LVRN: variants seen among roughly 807,000 people sequenced by gnomAD.
LVRN encodes laeverin.
Under a neutral mutation model 111.4 loss-of-function variants are expected in LVRN, and 99 were observed. The ratio of observed to expected loss-of-function variants is 0.89; its 90% confidence interval spans 0.76 to 1.05. The LOEUF (loss-of-function observed/expected upper bound fraction) is 1.05. LVRN is among the 50% of genes least tolerant of loss of function. The pLI, the probability that LVRN is intolerant of heterozygous loss-of-function variation, is 0.00. For synonymous variants in LVRN, 488 were observed against 449.5 expected, an observed-to-expected ratio of 1.09 and a Z score of -1.08; for missense variants, 1,414 against 1,206.8, an observed-to-expected ratio of 1.17 and a Z score of -2.54.
At chr5:115,982,487 G>A (rs1304475104) in intron 1 of LVRN, among the ~76,000 whole-genome samples, 1 of 152,112 alleles carries the variant, frequency 6.6e-6, no homozygotes, top group Non-Finnish European at 1.5e-5. Flanking sequence ...GCAAGTCTTG[G>A]CAAATGGGAT....
intron 18 of LVRN, among the ~76,000 whole-genome samples, chr5:116,017,503 A>G (rs369654776): frequency 5.9e-5 from 9 of 152,208 alleles, no homozygotes; most frequent in African/African-American, 1.9e-4. Context: ...TCTAAGAACT[A>G]TGGAAAGTGT....
rs192075396 is a variant in LVRN at position 115,987,920 on chromosome 5, T to C, written c.1086T>C (p.Ser362=). ...TTCTGGAGGATTTGTTTAATATCAG[T>C]TACTCTCTTCCAAAAACAGGTGAGG... ...FSFLEDLFNI[S]YSLPKTDIIA... is the part of the protein sequence containing the mutation. Residue 362 remains serine, a synonymous_variant, in exon 4 of 20, where the codon AGT becomes AGC. Transcript: ENST00000357872. 1 of 1,611,622 alleles carries C rather than the reference T, an allele frequency of 6.2e-7. No individual in the cohort carries two copies. The highest frequency in any genetic ancestry group is 1.3e-5 in the African/African-American group (1 of 74,798).
In LVRN at chr5:116,026,522, T is replaced by G; in HGVS notation, c.*404T>G. 2 of 242,042 alleles carry G rather than the reference T, an allele frequency of 8.3e-6. No individual in the cohort carries two copies. Among genetic ancestry groups the G allele is most frequent in the Middle Eastern group, 1.5e-3 (1 of 668 alleles). 15.0% of individuals were successfully genotyped at this position (242,042 alleles called of 1,614,324 possible). ...AGTTTTTCCAGGCCCTAGGGTTTAT[T>G]TAGTTCAACATTGAAGATTGAAAAG... On this transcript the variant is annotated 3_prime_UTR_variant, in exon 20 of 20. Transcript: ENST00000357872.
chr5:115,983,434 G>A lies in LVRN; in HGVS notation c.838+5G>A, dbSNP rs776351026. The A allele has an allele frequency of 5.0e-6, 8 of 1,592,022 alleles. No homozygotes were observed. In the Admixed American group the frequency reaches 5.5e-5, roughly 11 times the overall value. On this transcript the variant is annotated splice_donor_5th_base_variant and intron_variant, in intron 2 of 19. Coordinates refer to ENST00000357872, the MANE Select transcript of LVRN (RefSeq NM_173800.5). ...TTTCCAACATGCCAAAGCTAGGTAA[G>A]TAATGCTTTCTGTCTATATCTAGCT...
intron 19 of LVRN, among the ~76,000 whole-genome samples, chr5:116,022,770 C>T (rs191487028): frequency 3.3e-5 from 5 of 152,240 alleles, no homozygotes; most frequent in Admixed American, 3.3e-4. Flanking sequence ...CAGTCATTGC[C>T]CTGTTCCAGA....
At chr5:115,966,149 C>G (rs576959813) in intron 1 of LVRN, among the ~76,000 whole-genome samples, 1 of 152,244 alleles carries the variant, frequency 6.6e-6, no homozygotes, top group African/African-American at 2.4e-5. Context: ...TGCGCAAAAA[C>G]TACCACAATA....
Position 116,026,428 on chromosome 5 carries a change from G to T in LVRN, c.*310G>T. 3 of 359,366 alleles carry T rather than the reference G, an allele frequency of 8.3e-6. No homozygotes were observed. The highest frequency in any genetic ancestry group is 7.7e-5 in the South Asian group (3 of 38,962). The allele number at this position is 359,366 out of a possible 1,614,324, so 22.3% of individuals were successfully genotyped here. The stretch of plus-strand genomic sequence containing the variant: ...CTAAGATAGTCTTGCTTATTTTGTT[G>T]CGAAGGCCAGTGGAATATAAAAATC... On this transcript the variant is annotated 3_prime_UTR_variant, in exon 20 of 20. Transcript: ENST00000357872.
At chr5:115,999,685 A>C (rs1561563241) in intron 6 of LVRN, 77 bp from the exon 7 acceptor site, 2 of 1,490,112 alleles carry the variant, frequency 1.3e-6, no homozygotes, top group African/African-American at 2.8e-5. Flanking sequence ...CAGTTTTTGA[A>C]AGTATTTTAG....
intron 1 of LVRN, among the ~76,000 whole-genome samples, chr5:115,980,381 G>A (rs988526784): frequency 6.6e-6 from 1 of 151,884 alleles, no homozygotes; most frequent in Non-Finnish European, 1.5e-5. Context: ...TGTGTCGTAG[G>A]GATTTTCCCC....
rs1580371184 is a variant in LVRN at position 115,962,921 on chromosome 5, C to A, written c.304C>A (p.Leu102Ile). 1 of 1,612,974 alleles carries A rather than the reference C, an allele frequency of 6.2e-7. No homozygotes were observed. The highest frequency in any genetic ancestry group is 1.7e-4 in the Middle Eastern group (1 of 6,060). The change falls in exon 1 of 20, where the codon CTC (leucine) becomes ATC (isoleucine). Residue 102 changes from leucine (L) to isoleucine (I), a missense_variant. Leu to Ile is a conservative substitution (Grantham distance 5). Coordinates refer to ENST00000357872, the MANE Select transcript of LVRN (RefSeq NM_173800.5). ...PWDQLRLPPW[L>I]VPLHYDLELW... ...GGACCAGCTACGCCTGCCGCCCTGGCTCGTGCCGCTGCACTACGATCTGGA... is the reference window on the plus strand; with the variant it reads ...GGACCAGCTACGCCTGCCGCCCTGGATCGTGCCGCTGCACTACGATCTGGA...
At position 116,026,130 on chromosome 5, in the gene LVRN, C is replaced by T. The variant is rs770370826; in HGVS notation, c.*12C>T. The T allele has an allele frequency of 8.7e-6, 14 of 1,613,470 alleles. 1 individual carries two copies. In the South Asian group the frequency reaches 1.5e-4, roughly 18 times the overall value. ...GGAGAAACACATAGCTTGTGGCTATCTTTCAGCACTCCTCTTGCATATTAT... is the reference window on the plus strand; with the variant it reads ...GGAGAAACACATAGCTTGTGGCTATTTTTCAGCACTCCTCTTGCATATTAT... On this transcript the variant is annotated 3_prime_UTR_variant, in exon 20 of 20. Transcript: ENST00000357872.
chr5:116,015,476 G>A (rs1327020909), intron 17 of LVRN, 57 bp downstream of exon 17: 14 of 1,468,878 alleles, frequency 9.5e-6, no homozygotes, highest in South Asian at 1.5e-5. Flanking sequence ...ATTAATAAAG[G>A]AAAAAAAATA....
At chr5:115,966,089 T>A (rs572084431) in intron 1 of LVRN, among the ~76,000 whole-genome samples, 2 of 152,356 alleles carry the variant, frequency 1.3e-5, no homozygotes, top group East Asian at 3.9e-4. Flanking sequence ...AATTTGACAT[T>A]GGTACTATGC....
intron 19 of LVRN, 105 bp downstream of exon 19, chr5:116,022,571 C>T (rs1361066897): frequency 1.3e-6 from 1 of 777,258 alleles, no homozygotes; most frequent in Non-Finnish European, 2.2e-6. Flanking sequence ...TGAATTATTA[C>T]ATTCTATGCT....
chr5:116,019,220 A>C (rs771160133), intron 18 of LVRN, among the ~76,000 whole-genome samples: 4 of 152,192 alleles, frequency 2.6e-5, no homozygotes, highest in Non-Finnish European at 5.9e-5. Flanking sequence ...ACATATCTAA[A>C]CATAGAAAAG....
chr5:115,992,180 T>C lies in LVRN; in HGVS notation c.1163T>C (p.Ile388Thr). 1.9e-6 allele frequency: 3 copies of C among 1,613,988 alleles called. No individual in the cohort carries two copies. The highest frequency in any genetic ancestry group is 2.5e-6 in the Non-Finnish European group (3 of 1,179,890). The change falls in exon 5 of 20, where the codon ATA (isoleucine) becomes ACA (threonine). Residue 388 changes from isoleucine (I) to threonine (T), a missense_variant. Transcript: ENST00000357872. ...GCAATGGAAAACTGGGGACTAATGA[T>C]ATTTGATGAATCAGGATTGTTGTTG... ...NHAMENWGLM[I>T]FDESGLLLEP... is the part of the protein sequence containing the mutation.
At chr5:115,964,253 G>T (rs1040876431) in intron 1 of LVRN, among the ~76,000 whole-genome samples, 1 of 152,006 alleles carries the variant, frequency 6.6e-6, no homozygotes, top group South Asian at 2.1e-4. Context: ...CATGTACTTT[G>T]CCCTTTATTA....
chr5:116,011,148 G>T (rs1210846886), intron 14 of LVRN, among the ~76,000 whole-genome samples: 1 of 151,268 alleles, frequency 6.6e-6, no homozygotes, highest in East Asian at 1.9e-4. Flanking sequence ...TGAAGTGACA[G>T]TATGTCCTAA....
intron 13 of LVRN, among the ~76,000 whole-genome samples, chr5:116,007,052 T>C (rs539931156): frequency 6.6e-6 from 1 of 152,328 alleles, no homozygotes; most frequent in South Asian, 2.1e-4. Flanking sequence ...TAGAAATGTC[T>C]TTTGGAGGCT....
Sources: gnomAD v4.1 joint callset for allele counts (sites outside exome capture counted in the v4.1 genomes callset) on GRCh38, gnomAD v4.1.1 for gene constraint, MANE v1.5 for transcripts, NCBI Gene and HGNC (gene_info 2026-07-23, HGNC 2026-07-21) for gene names.